Variants in PPIC observed in about 807,000 individuals in gnomAD.
The protein encoded by PPIC is peptidyl-prolyl cis-trans isomerase C.
Under a neutral mutation model 19.5 loss-of-function variants are expected in PPIC, and 19 were observed. The ratio of observed to expected loss-of-function variants is 0.98; its 90% confidence interval spans 0.68 to 1.43. PPIC has a LOEUF of 1.43. PPIC is among the 40% of genes most tolerant of loss of function. The probability of loss-of-function intolerance (pLI) is 0.00; values close to 1 mark genes in which losing one functional copy is unlikely to be tolerated. For synonymous variants in PPIC, 107 were observed against 101.2 expected, an observed-to-expected ratio of 1.06 and a Z score of -0.34; for missense variants, 268 against 268.6, an observed-to-expected ratio of 1.00 and a Z score of 0.02.
Position 123,023,838 on chromosome 5 carries a change from C to CACA in PPIC, c.*36_*37insTGT. ...CACACACACACACACACACACACAC[C>CACA]CCTGCCAAAGCATATCCTTGTTTTC... On this transcript the variant is annotated 3_prime_UTR_variant, in exon 5 of 5. Transcript: ENST00000306442. 2 of 1,311,202 alleles carry CACA rather than the reference C, an allele frequency of 1.5e-6. No individual in the cohort carries two copies. The highest frequency in any genetic ancestry group is 1.3e-5 in the South Asian group (1 of 79,960). The allele number at this position is 1,311,202 out of a possible 1,614,324, so 81.2% of individuals were successfully genotyped here.
intron 1 of PPIC, among the ~76,000 whole-genome samples, chr5:123,034,644 C>T (rs549311132): frequency 1.1e-4 from 16 of 152,222 alleles, no homozygotes; most frequent in Non-Finnish European, 2.4e-4. Context: ...TTGCAGGGGA[C>T]GTACTTACAC....
At chr5:123,031,986 G>A (rs558912701) in intron 1 of PPIC, among the ~76,000 whole-genome samples, 4 of 152,232 alleles carry the variant, frequency 2.6e-5, no homozygotes, top group African/African-American at 7.2e-5. Context: ...TACTAGAGAC[G>A]GGGTTTCGCC....
intron 2 of PPIC, 50 bp from the exon 3 acceptor site, chr5:123,028,918 A>T (rs902875438): frequency 1.4e-6 from 2 of 1,424,784 alleles, no homozygotes; most frequent in African/African-American, 2.8e-5. Flanking sequence ...CCATACTGAA[A>T]GATAAACTCA....
At chr5:123,035,023 T>A (rs1762987476) in intron 1 of PPIC, among the ~76,000 whole-genome samples, 1 of 152,228 alleles carries the variant, frequency 6.6e-6, no homozygotes, top group Non-Finnish European at 1.5e-5. Context: ...AATACCCGCA[T>A]GCCTACCTGC....
Position 123,025,845 on chromosome 5 carries a change from A to C in PPIC, c.449T>G (p.Leu150Trp). 1 of 1,614,176 alleles carries C rather than the reference A, an allele frequency of 6.2e-7. No homozygotes were observed. The highest frequency in any genetic ancestry group is 8.5e-7 in the Non-Finnish European group (1 of 1,180,032). Residue 150 changes from leucine (L) to tryptophan (W), a missense_variant, in exon 4 of 5, where the codon TTG (leucine) becomes TGG (tryptophan). Coordinates refer to ENST00000306442, the MANE Select transcript of PPIC (RefSeq NM_000943.5). The stretch of plus-strand genomic sequence containing the variant: ...GCCGTCCAACCAGGTGGGCTTGGTC[A>C]AGGTGATAAAGAACTGAGAGCCATT... The part of the protein sequence containing the change: ...DTNGSQFFIT[L>W]TKPTWLDGKH...
At chr5:123,028,913 C>G in intron 2 of PPIC, 45 bp from the exon 3 acceptor site, 2 of 1,464,550 alleles carry the variant, frequency 1.4e-6, no homozygotes, top group Non-Finnish European at 1.9e-6. Context: ...AGAGGCCATA[C>G]TGAAAGATAA....
intron 3 of PPIC, among the ~76,000 whole-genome samples, chr5:123,026,735 CTG>C (rs1264545408): frequency 2.6e-5 from 4 of 152,170 alleles, no homozygotes; most frequent in African/African-American, 4.8e-5. Flanking sequence ...GGCAGGAAGT[CTG>C]GAGTTCTAGC....
chr5:123,025,763 G>T (rs750032268), intron 4 of PPIC, 21 bp downstream of exon 4: 1 of 1,605,350 alleles, frequency 6.2e-7, no homozygotes, highest in African/African-American at 1.3e-5. Flanking sequence ...GCTTTGAAAG[G>T]AAAAAAATGT....
chr5:123,035,458 T>C (rs990015794), intron 1 of PPIC, among the ~76,000 whole-genome samples: 1 of 152,156 alleles, frequency 6.6e-6, no homozygotes, highest in African/African-American at 2.4e-5. Context: ...GCCCACAACG[T>C]GGCACGGCCT....
intron 4 of PPIC, 46 bp downstream of exon 4, chr5:123,025,738 C>T: frequency 1.9e-6 from 3 of 1,558,530 alleles, no homozygotes; most frequent in African/African-American, 1.4e-5. Context: ...AAAGTACTCT[C>T]AATAAAAATA....
Position 123,036,243 on chromosome 5 carries a change from C to T in PPIC, c.117+266G>A, listed in dbSNP as rs750463841. On this transcript the variant is annotated intron_variant, in intron 1 of 4. Coordinates refer to ENST00000306442, the MANE Select transcript of PPIC (RefSeq NM_000943.5). This position sits in a 1 kb window ranked among gnomAD's most constrained non-coding sequence, Gnocchi z 4.5. ...TCTCCTACCCCCAGGCTGGTCACCT[C>T]GGACTACCGACCCGGGACAAGAAGT... is the stretch of plus-strand genomic sequence containing the variant. The T allele has an allele frequency of 9.8e-6, 5 of 512,152 alleles. No homozygotes were observed. Among genetic ancestry groups the T allele is most frequent in the Non-Finnish European group, 1.8e-5 (5 of 285,030 alleles). The allele number at this position is 512,152 out of a possible 1,614,324, so 31.7% of individuals were successfully genotyped here.
At chr5:123,031,314 T>TGTGACAA (rs1762938605) in intron 1 of PPIC, among the ~76,000 whole-genome samples, 1 of 152,174 alleles carries the variant, frequency 6.6e-6, no homozygotes, top group South Asian at 2.1e-4. Flanking sequence ...CAGGGCAGTG[T>TGTGACAA]GTGACAAATG....
chr5:123,025,853 A>G lies in PPIC; in HGVS notation c.441T>C (p.Phe147=). 6.2e-7 allele frequency: 1 copy of G among 1,614,190 alleles called. No individual in the cohort carries two copies. Among genetic ancestry groups the G allele is most frequent in the Non-Finnish European group, 8.5e-7 (1 of 1,180,034 alleles). ...ACCAGGTGGGCTTGGTCAAGGTGATAAAGAACTGAGAGCCATTGGTGTCAG... is the reference window on the plus strand; with the variant it reads ...ACCAGGTGGGCTTGGTCAAGGTGATGAAGAACTGAGAGCCATTGGTGTCAG... ...AGPDTNGSQF[F]ITLTKPTWLD... is the part of the protein sequence containing the mutation. The change falls in exon 4 of 5, where the codon TTT becomes TTC. Residue 147 remains phenylalanine (F), a synonymous_variant. Transcript: ENST00000306442.
chr5:123,025,031 C>A lies in PPIC; in HGVS notation c.510+753G>T, dbSNP rs982815118. The stretch of plus-strand genomic sequence containing the variant: ...AGACCCAACAGTATAGATTCAAATT[C>A]TCTTCAATAATTTTTGGATGCGTGT... On this transcript the variant is annotated intron_variant, in intron 4 of 4. Transcript: ENST00000306442. 7.2e-5 allele frequency among the ~76,000 whole-genome samples: 11 copies of A among 152,190 alleles called. No individual in the cohort carries two copies. The South Asian group carries it at 8.3e-4, about 11-fold the overall frequency.
chr5:123,028,573 C>T (rs1230100118), intron 3 of PPIC: 1 of 461,192 alleles, frequency 2.2e-6, no homozygotes, highest in African/African-American at 2.0e-5. Context: ...CCAAAACAAT[C>T]CTGCTTAAAA....
rs368146054 is a variant in PPIC at position 123,025,823 on chromosome 5, G to T, written c.471C>A (p.Asp157Glu). 2 of 1,613,784 alleles carry T rather than the reference G, an allele frequency of 1.2e-6. No homozygotes were observed. Among genetic ancestry groups the T allele is most frequent in the South Asian group, 1.1e-5 (1 of 90,932 alleles). Residue 157 changes from aspartate (D) to glutamate (E), a missense_variant, in exon 4 of 5, where the codon GAC (aspartate) becomes GAA (glutamate). Asp to Glu is a conservative substitution (Grantham distance 45). Transcript: ENST00000306442. ...FITLTKPTWL[D>E]GKHVVFGKVI... is the part of the protein sequence containing the mutation. The stretch of plus-strand genomic sequence containing the variant: ...CTTTTCCAAACACCACATGTTTGCC[G>T]TCCAACCAGGTGGGCTTGGTCAAGG...
intron 2 of PPIC, 134 bp from the exon 3 acceptor site, chr5:123,029,002 G>A: frequency 1.1e-6 from 1 of 871,872 alleles, no homozygotes; most frequent in Non-Finnish European, 1.7e-6. Context: ...CCCAGCTATG[G>A]TTTACTGAGA....
chr5:123,023,807 A>ATCACACACACACAC lies in PPIC; in HGVS notation c.*67_*68insGTGTGTGTGTGTGA. 7.7e-7 allele frequency: 1 copy of ATCACACACACACAC among 1,293,846 alleles called. No individual in the cohort carries two copies. 80.1% of individuals were successfully genotyped at this position (1,293,846 alleles called of 1,614,324 possible). A position where few individuals can be genotyped will look rare whatever the true frequency, so the allele number is the denominator to read the frequency against. ...AAAGCAAATAATTGAAAGACAACAC[A>ATCACACACACACAC]ACACACACACACACACACACACACA... On this transcript the variant is annotated 3_prime_UTR_variant, in exon 5 of 5. Transcript: ENST00000306442.
In PPIC at chr5:123,024,018, G is replaced by T. The variant is rs370683919; in HGVS notation, c.511-15C>A. ...TGCACCACTGTCTGGTGAGAGAAAA[G>T]TAGACACATGGTTTAATTCTGACCA... is the stretch of plus-strand genomic sequence containing the variant. On this transcript the variant is annotated splice_polypyrimidine_tract_variant and intron_variant, in intron 4 of 4. Coordinates refer to ENST00000306442, the MANE Select transcript of PPIC (RefSeq NM_000943.5). 2 of 1,610,368 alleles carry T rather than the reference G, an allele frequency of 1.2e-6. No individual in the cohort carries two copies. Among genetic ancestry groups the T allele is most frequent in the Non-Finnish European group, 8.5e-7 (1 of 1,177,912 alleles).
Sources: allele counts gnomAD v4.1 joint callset (sites outside exome capture counted in the v4.1 genomes callset), GRCh38; gene constraint gnomAD v4.1.1; non-coding constraint Gnocchi (gnomAD v3.1); transcripts MANE v1.5; gene names NCBI Gene and HGNC (gene_info 2026-07-23, HGNC 2026-07-21).